The following COL24A1 variants were observed in gnomAD, a reference collection of about 807,000 sequenced individuals.
COL24A1 encodes collagen type XXIV alpha 1 chain.
A neutral mutation model predicts 253.9 loss-of-function variants in COL24A1; 224 were observed. The observed-to-expected ratio is 0.88, with a 90% CI of 0.79 to 0.99. COL24A1 has a LOEUF of 0.99. Among genes scored for constraint, COL24A1 ranks in the 50% least tolerant of loss-of-function variants. COL24A1 has a pLI of 0.00. For missense variants in COL24A1, 2,131 were observed against 2,068.5 expected (o/e 1.03, Z -0.59); for synonymous variants, 685 against 673.7 (o/e 1.02, Z -0.26).
In COL24A1 at chr1:85,784,294, C is replaced by G. The variant is rs750636323; in HGVS notation, c.4132G>C (p.Gly1378Arg). 3 of 1,614,040 alleles carry G rather than the reference C, an allele frequency of 1.9e-6. No homozygotes were observed. The highest frequency in any genetic ancestry group is 2.2e-5 in the South Asian group (2 of 91,080). The change falls in exon 49 of 60, where the codon GGA (glycine) becomes CGA (arginine). Residue 1378 changes from glycine to arginine, a missense_variant. Gly to Arg is a moderately radical substitution (Grantham distance 125). Coordinates refer to ENST00000370571, the MANE Select transcript of COL24A1 (RefSeq NM_152890.7). ...TTCAGGCCAGGGTCTCCACATGGTC[C>G]TTGATCACCTTGTGCTCCTCGGTGA... ...RGHRGAQGDQ[G>R]PCGDPGLKGQ...
chr1:85,915,551 A>T (rs1235054587), intron 24 of COL24A1, among the ~76,000 whole-genome samples: 2 of 152,212 alleles, frequency 1.3e-5, no homozygotes, highest in East Asian at 3.8e-4. Context: ...TAATGCTGTC[A>T]ATCAAATCTG....
At chr1:85,827,368 G>A (rs1326794121) in intron 43 of COL24A1, among the ~76,000 whole-genome samples, 1 of 151,254 alleles carries the variant, frequency 6.6e-6, no homozygotes, top group Non-Finnish European at 1.5e-5. Context: ...GTTCATCAAG[G>A]ATATTGGTCT....
intron 5 of COL24A1, among the ~76,000 whole-genome samples, chr1:86,105,819 G>C (rs1704929254): frequency 6.6e-6 from 1 of 152,202 alleles, no homozygotes; most frequent in African/African-American, 2.4e-5. Context: ...AAAGCAGGTT[G>C]CTCCTTGCCA....
chr1:86,021,706 G>A (rs1697553292), intron 18 of COL24A1, among the ~76,000 whole-genome samples: 1 of 151,754 alleles, frequency 6.6e-6, no homozygotes, highest in Non-Finnish European at 1.5e-5. Flanking sequence ...TATTTAAATA[G>A]CTTTAATTAT....
intron 43 of COL24A1, among the ~76,000 whole-genome samples, chr1:85,838,275 T>A (rs1676233411): frequency 1.3e-5 from 2 of 152,104 alleles, no homozygotes; most frequent in South Asian, 4.1e-4. Flanking sequence ...TAATATAGCA[T>A]AAAATGTCAT....
chr1:85,734,901 G>A lies in COL24A1; in HGVS notation c.4846C>T (p.His1616Tyr). ...FLHLLSSEAT[H>Y]IITIHCLNTP... ...TTTAGACAGTGAATGGTGATGATAT[G>A]GGTGGCTTCCGAACTCAGTAAATGA... is the stretch of plus-strand genomic sequence containing the variant. The change falls in exon 59 of 60, where the codon CAT becomes TAT. Residue 1616 changes from histidine to tyrosine, a missense_variant. Coordinates refer to ENST00000370571, the MANE Select transcript of COL24A1 (RefSeq NM_152890.7). The A allele has an allele frequency of 6.2e-7, 1 of 1,614,176 alleles. No individual in the cohort carries two copies. The highest frequency in any genetic ancestry group is 1.3e-5 in the African/African-American group (1 of 75,036).
chr1:85,798,200 T>TTA (rs1671027895), intron 47 of COL24A1, among the ~76,000 whole-genome samples: 1 of 139,024 alleles, frequency 7.2e-6, no homozygotes, highest in East Asian at 2.1e-4. Flanking sequence ...CTGTCTCTAT[T>TTA]AAAAAAAAAA....
intron 20 of COL24A1, among the ~76,000 whole-genome samples, chr1:85,978,905 T>C (rs1374196514): frequency 6.6e-6 from 1 of 152,116 alleles, no homozygotes; most frequent in Non-Finnish European, 1.5e-5. Flanking sequence ...CATCAGAGTA[T>C]AGAACATTCT....
intron 7 of COL24A1, among the ~76,000 whole-genome samples, chr1:86,080,610 A>G (rs905963418): frequency 1.6e-4 from 25 of 152,112 alleles, no homozygotes; most frequent in Non-Finnish European, 2.8e-4. Flanking sequence ...TGCCTCAGCA[A>G]GAATTCCAAT....
chr1:85,911,819 A>C (rs931313047), intron 24 of COL24A1, among the ~76,000 whole-genome samples: 1 of 152,088 alleles, frequency 6.6e-6, no homozygotes, highest in Non-Finnish European at 1.5e-5. Flanking sequence ...AAAGCCCCTC[A>C]ATACACAAGC....
At chr1:85,779,933 A>G (rs751431293) in intron 52 of COL24A1, among the ~76,000 whole-genome samples, 95 of 152,314 alleles carry the variant, frequency 6.2e-4, no homozygotes, top group South Asian at 5.0e-3. Flanking sequence ...GGTCTTTAAG[A>G]ACTATCTATA....
At chr1:85,898,143 A>T (rs896485926) in intron 28 of COL24A1, among the ~76,000 whole-genome samples, 5 of 152,202 alleles carry the variant, frequency 3.3e-5, no homozygotes, top group Admixed American at 2.0e-4. Flanking sequence ...GAAGGTCTGA[A>T]GTTCACTTAC....
chr1:86,019,952 T>G (rs1697343540), intron 18 of COL24A1, among the ~76,000 whole-genome samples: 1 of 152,006 alleles, frequency 6.6e-6, no homozygotes, highest in Admixed American at 6.6e-5. Flanking sequence ...TAGCTTACAC[T>G]AGGAGGAATA....
chr1:86,112,673 A>T, intron 4 of COL24A1, 53 bp from the exon 5 acceptor site: 2 of 1,514,334 alleles, frequency 1.3e-6, no homozygotes, highest in South Asian at 2.3e-5. Flanking sequence ...AATGGAACAA[A>T]GTACAATTGC....
At chr1:85,789,030 T>A (rs558067106) in intron 47 of COL24A1, among the ~76,000 whole-genome samples, 5 of 152,316 alleles carry the variant, frequency 3.3e-5, no homozygotes, top group African/African-American at 1.2e-4. Flanking sequence ...CTTCAGATAG[T>A]CTTGGCTATA....
chr1:85,841,648 C>T (rs950601386), intron 41 of COL24A1, among the ~76,000 whole-genome samples: 17 of 152,164 alleles, frequency 1.1e-4, no homozygotes, highest in Admixed American at 7.9e-4. Flanking sequence ...ATGCCTGCTA[C>T]TTAGGAGCCT....
chr1:85,807,275 T>G (rs1672074530), intron 47 of COL24A1, among the ~76,000 whole-genome samples: 1 of 152,176 alleles, frequency 6.6e-6, no homozygotes, highest in South Asian at 2.1e-4. Context: ...GATAACTCTA[T>G]TATTGCAATC....
chr1:85,782,010 T>G (rs891157160), intron 51 of COL24A1, among the ~76,000 whole-genome samples: 1 of 152,244 alleles, frequency 6.6e-6, no homozygotes. Flanking sequence ...AATATATTTA[T>G]AGCTGAAGAA....
intron 32 of COL24A1, among the ~76,000 whole-genome samples, chr1:85,884,019 C>T (rs1316150117): frequency 6.6e-6 from 1 of 152,184 alleles, no homozygotes; most frequent in African/African-American, 2.4e-5. Context: ...ACACTCCTTT[C>T]CTAGATGAGT....
Sources: allele counts gnomAD v4.1 joint callset (sites outside exome capture counted in the v4.1 genomes callset), GRCh38; gene constraint gnomAD v4.1.1; transcripts MANE v1.5; gene names NCBI Gene and HGNC (gene_info 2026-07-23, HGNC 2026-07-21).